PON1: variants seen among roughly 807,000 people sequenced by gnomAD.
PON1 encodes the protein serum paraoxonase/arylesterase 1.
Under a neutral mutation model 39.2 loss-of-function variants are expected in PON1, and 37 were observed. The observed-to-expected ratio is 0.94, with a 90% CI of 0.73 to 1.24. The LOEUF (loss-of-function observed/expected upper bound fraction) is 1.24, where lower values mean the gene tolerates loss of function less well. Among genes scored for constraint, PON1 ranks in the 50% most tolerant of loss-of-function variants. The pLI is 0.00. For synonymous variants in PON1, 148 were observed against 152.2 expected (o/e 0.97, Z 0.21); for missense variants, 397 against 413.5 (o/e 0.96, Z 0.35).
In PON1 at chr7:95,306,349, T is replaced by C; in HGVS notation, c.716A>G (p.Glu239Gly). ...SPDGKYVYIA[E>G]LLAHKIHVYE... The stretch of plus-strand genomic sequence containing the variant: ...CACATGAATCTTATGAGCCAGCAAC[T>C]CAGCTATATAGACATACCTTCAAAG... Residue 239 changes from glutamate to glycine, a missense_variant, in exon 7 of 9, where the codon GAG becomes GGG. By Grantham distance (98) the Glu-to-Gly change is moderately conservative. Transcript: ENST00000222381. 3 of 1,611,128 alleles carry C rather than the reference T, an allele frequency of 1.9e-6. No individual in the cohort carries two copies. The highest frequency in any genetic ancestry group is 2.5e-6 in the Non-Finnish European group (3 of 1,177,546).
intron 4 of PON1, among the ~76,000 whole-genome samples, chr7:95,312,184 G>A (rs765089023): frequency 5.9e-5 from 9 of 151,482 alleles, no homozygotes; most frequent in African/African-American, 1.5e-4. Context: ...TCAAATTGGC[G>A]TTTTTGTTTT....
chr7:95,298,781 C>G lies in PON1; in HGVS notation c.*163G>C. 1 of 834,234 alleles carries G rather than the reference C, an allele frequency of 1.2e-6. No individual in the cohort carries two copies. Among genetic ancestry groups the G allele is most frequent in the East Asian group, 2.6e-5 (1 of 37,818 alleles). The allele number at this position is 834,234 out of a possible 1,614,324, so 51.7% of individuals were successfully genotyped here. A position where few individuals can be genotyped will look rare whatever the true frequency, so the allele number is the denominator to read the frequency against. On this transcript the variant is annotated 3_prime_UTR_variant, in exon 9 of 9. Coordinates refer to ENST00000222381, the MANE Select transcript of PON1 (RefSeq NM_000446.7). ...GATAGTGTATTCTCAAAAAAAAGCCCTACACATCATATCACTCCCAGTTAA... is the reference window on the plus strand; with the variant it reads ...GATAGTGTATTCTCAAAAAAAAGCCGTACACATCATATCACTCCCAGTTAA...
rs556791313 is a variant in PON1, at chr7:95,315,347, A to G, written c.345T>C (p.His115=). ...CTTCATCTGTGAATGTGCTAATCCC[A>G]TGAGGGTTAAATGAAGATACATCAA... ...SKFDVSSFNP[H]GISTFTDEDN... Residue 115 remains histidine (H), a synonymous_variant, in exon 4 of 9, where the codon CAT becomes CAC. Coordinates refer to ENST00000222381, the MANE Select transcript of PON1 (RefSeq NM_000446.7). 7 of 1,613,664 alleles carry G rather than the reference A, an allele frequency of 4.3e-6. No individual in the cohort carries two copies. In the South Asian group the frequency reaches 4.4e-5, roughly 10 times the overall value.
intron 4 of PON1, among the ~76,000 whole-genome samples, chr7:95,314,740 G>C (rs1807728295): frequency 6.6e-6 from 1 of 152,176 alleles, no homozygotes; most frequent in Non-Finnish European, 1.5e-5. Flanking sequence ...AACTGGGGCT[G>C]AAAATTAATA....
Position 95,298,821 on chromosome 7 carries a change from C to A in PON1, c.*123G>T. 1 of 1,211,150 alleles carries A rather than the reference C, an allele frequency of 8.3e-7. No individual in the cohort carries two copies. Among genetic ancestry groups the A allele is most frequent in the Non-Finnish European group, 1.2e-6 (1 of 825,406 alleles). The allele number at this position is 1,211,150 out of a possible 1,614,324, so 75.0% of individuals were successfully genotyped here. ...CTCCCAGTTAAACAGTGCTTTGATG[C>A]TTCATGATGTCCACATTTAGGGTCA... On this transcript the variant is annotated 3_prime_UTR_variant, in exon 9 of 9. Transcript: ENST00000222381.
In PON1 at chr7:95,310,701, G is replaced by T. The variant is rs140729500; in HGVS notation, c.497+750C>A. Among the ~76,000 whole-genome samples the T allele has an allele frequency of 3.3e-5, 5 of 152,328 alleles. No individual in the cohort carries two copies. In the East Asian group the frequency reaches 9.7e-4, roughly 29 times the overall value. On this transcript the variant is annotated intron_variant, in intron 5 of 8. Transcript: ENST00000222381. ...GGTACCTGCAAAGAGTACAAATCTA[G>T]ATTTACAGATATGGAGGTAGTCAAA...
intron 4 of PON1, among the ~76,000 whole-genome samples, chr7:95,314,394 G>A (rs1003498362): frequency 6.6e-6 from 1 of 151,014 alleles, no homozygotes; most frequent in East Asian, 1.9e-4. Flanking sequence ...AGGAGGTGAA[G>A]GAAGGAAGGA....
chr7:95,313,459 A>G (rs1179908248), intron 4 of PON1, among the ~76,000 whole-genome samples: 1 of 152,234 alleles, frequency 6.6e-6, no homozygotes, highest in African/African-American at 2.4e-5. Flanking sequence ...GAAGAAATTT[A>G]TAGAAGGGGT....
At chr7:95,318,599 G>A in intron 1 of PON1, 1 of 535,010 alleles carries the variant, frequency 1.9e-6, no homozygotes, top group Admixed American at 3.0e-5. Flanking sequence ...TTTAGCAGAG[G>A]TGGATAGGTA....
intron 2 of PON1, among the ~76,000 whole-genome samples, chr7:95,317,569 A>G (rs1042885543): frequency 1.7e-5 from 2 of 114,860 alleles, no homozygotes; most frequent in South Asian, 2.6e-4. Context: ...TAATTCTAAA[A>G]GAACAAAAAA....
intron 1 of PON1, among the ~76,000 whole-genome samples, chr7:95,318,874 C>G (rs1807830635): frequency 6.6e-6 from 1 of 152,150 alleles, no homozygotes; most frequent in Non-Finnish European, 1.5e-5. Flanking sequence ...GGATTTGTAA[C>G]TTCAGAAAAT....
intron 7 of PON1, among the ~76,000 whole-genome samples, chr7:95,304,327 C>CTT (rs34709624): frequency 0.082 from 9,021 of 109,372 alleles, 626 homozygotes; most frequent in East Asian, 0.32. Flanking sequence ...AACTTCATTC[C>CTT]TTTTTTTTTT....
At chr7:95,300,382 A>C (rs1807394698) in intron 8 of PON1, among the ~76,000 whole-genome samples, 1 of 152,230 alleles carries the variant, frequency 6.6e-6, no homozygotes, top group South Asian at 2.1e-4. Context: ...GATAATATAT[A>C]ATGACTTGAA....
chr7:95,305,260 C>T (rs1035053553), intron 7 of PON1, among the ~76,000 whole-genome samples: 4 of 152,108 alleles, frequency 2.6e-5, no homozygotes, highest in African/African-American at 2.4e-5. Context: ...TGCTGTTTTT[C>T]GGAGGTAGAG....
intron 8 of PON1, among the ~76,000 whole-genome samples, chr7:95,299,652 A>G (rs1233940400): frequency 6.6e-6 from 1 of 152,050 alleles, no homozygotes; most frequent in East Asian, 1.9e-4. Flanking sequence ...CTCCCAGCCT[A>G]CATCTTTCTC....
chr7:95,313,618 A>ATGTGTGTGTGTGTGTG (rs3046663), intron 4 of PON1, among the ~76,000 whole-genome samples: 14 of 147,184 alleles, frequency 9.5e-5, no homozygotes, highest in African/African-American at 3.1e-4. Context: ...ATATATGTAT[A>ATGTGTGTGTGTGTGTG]TGTGTGTGTG....
rs774866534 is a variant in PON1, at chr7:95,311,546, A to G, written c.402T>C (p.His134=). 1.9e-6 allele frequency: 3 copies of G among 1,613,846 alleles called. No individual in the cohort carries two copies. Among genetic ancestry groups the G allele is most frequent in the African/African-American group, 2.7e-5 (2 of 74,914 alleles). The change falls in exon 5 of 9, where the codon CAT becomes CAC. Residue 134 remains histidine (H), a synonymous_variant. Coordinates refer to ENST00000222381, the MANE Select transcript of PON1 (RefSeq NM_000446.7). The stretch of plus-strand genomic sequence containing the variant: ...ACTCCACTGTGGACTTGGCATCTGG[A>G]TGGTTCACCACCAGGAGGTACATGG... The part of the protein sequence containing the change: ...DNAMYLLVVN[H]PDAKSTVELF...
chr7:95,298,984 AT>A lies in PON1; in HGVS notation c.1027del (p.Ile343LeufsTer41), dbSNP rs748303328. The A allele has an allele frequency of 1.9e-6, 3 of 1,614,156 alleles. No individual in the cohort carries two copies. In the South Asian group the frequency reaches 3.3e-5, roughly 18 times the overall value. The part of the protein sequence containing the change: ...VASVYKGKLL[I>X]GTVFHKALYC... ...AAGAGCTTTGTGAAACACTGTGCCA[AT>A]CAGCAGTTTCCCTTTGTACACAGAG... On this transcript the variant is annotated frameshift_variant, in exon 9 of 9. Transcript: ENST00000222381. LOFTEE classifies it high-confidence loss of function.
At chr7:95,302,054 G>A (rs182468532) in intron 8 of PON1, 151 bp downstream of exon 8, 166 of 736,578 alleles carry the variant, frequency 2.3e-4, no homozygotes, top group Admixed American at 1.6e-3. Context: ...CCAAGATTGC[G>A]CCACTGCACT....
Sources: allele counts gnomAD v4.1 joint callset (sites outside exome capture counted in the v4.1 genomes callset), GRCh38; gene constraint gnomAD v4.1.1; transcripts MANE v1.5; gene names NCBI Gene and HGNC (gene_info 2026-07-23, HGNC 2026-07-21).